LARGE1: variants seen among roughly 807,000 people sequenced by gnomAD.
LARGE1 encodes LARGE xylosyl- and glucuronyltransferase 1.
LARGE1 carries 43 observed loss-of-function variants against 87.6 expected under a neutral mutation model. The ratio of observed to expected loss-of-function variants is 0.49; its 90% confidence interval spans 0.38 to 0.63. LARGE1 has a LOEUF of 0.63. Ranked by LOEUF, LARGE1 falls within the 30% of genes least tolerant of loss-of-function variation. The pLI is 0.00. For missense variants in LARGE1, 802 were observed against 1,000.2 expected, an observed-to-expected ratio of 0.80 and a Z score of 2.67; for synonymous variants, 434 against 394.6, an observed-to-expected ratio of 1.10 and a Z score of -1.18.
At chr22:33,085,279 G>A in the LARGE1 span, among the ~76,000 whole-genome samples, 3 of 152,120 alleles carry the variant, frequency 2.0e-5, no homozygotes, top group African/African-American at 7.2e-5. Flanking sequence ...CCGTCTCAAA[G>A]AAAAATAAAA....
intron 5 of LARGE1, among the ~76,000 whole-genome samples, chr22:33,567,383 C>G (rs1201721011): frequency 6.6e-6 from 1 of 152,216 alleles, no homozygotes; most frequent in Non-Finnish European, 1.5e-5. Context: ...TTCCTGATCC[C>G]TCTATCTTAT....
chr22:33,406,789 G>C (rs1002767991), intron 7 of LARGE1, among the ~76,000 whole-genome samples: 1 of 152,094 alleles, frequency 6.6e-6, no homozygotes, highest in Non-Finnish European at 1.5e-5. Context: ...ATGTGAAAAT[G>C]CATTTATTTA....
intron 4 of LARGE1, among the ~76,000 whole-genome samples, chr22:33,607,810 AC>A (rs1216211595): frequency 1.3e-5 from 2 of 152,306 alleles, no homozygotes; most frequent in South Asian, 4.1e-4. Flanking sequence ...AACTGAATAA[AC>A]GAATCAAAAA....
At chr22:33,395,497 G>A (rs2065708098) in intron 7 of LARGE1, among the ~76,000 whole-genome samples, 2 of 152,194 alleles carry the variant, frequency 1.3e-5, no homozygotes, top group Non-Finnish European at 2.9e-5. Flanking sequence ...TTGCAGGCAA[G>A]AACTCTTTAA....
chr22:33,551,993 C>CAAAAAAAAAA (rs10674621), intron 6 of LARGE1, among the ~76,000 whole-genome samples: 1 of 72,888 alleles, frequency 1.4e-5, no homozygotes, highest in Non-Finnish European at 2.4e-5. Context: ...GGCTCCGTCT[C>CAAAAAAAAAA]AAAAAAAAAA....
At chr22:33,175,163 C>T (rs563528096) in intron 11 of LARGE1, among the ~76,000 whole-genome samples, 1 of 152,216 alleles carries the variant, frequency 6.6e-6, no homozygotes, top group South Asian at 2.1e-4. Context: ...CCCTGGGATG[C>T]AAAGCTGGTT....
intron 1 of LARGE1, among the ~76,000 whole-genome samples, chr22:33,812,400 G>A (rs1420574900): frequency 2.0e-5 from 3 of 152,106 alleles, no homozygotes; most frequent in East Asian, 1.9e-4. Flanking sequence ...TCTTCTATTC[G>A]TTACTTCCCC....
intron 2 of LARGE1, among the ~76,000 whole-genome samples, chr22:33,747,228 T>G (rs1172311621): frequency 6.6e-6 from 1 of 152,148 alleles, no homozygotes; most frequent in African/African-American, 2.4e-5. Context: ...GAGCAAGGAA[T>G]GAGAAGCCAG....
the LARGE1 span, among the ~76,000 whole-genome samples, chr22:33,150,671 C>G: frequency 6.6e-6 from 1 of 152,112 alleles, no homozygotes; most frequent in Admixed American, 6.5e-5. Flanking sequence ...CTATGGAGAT[C>G]CAGTTATTCC....
At chr22:33,633,121 T>A (rs1432908771) in intron 3 of LARGE1, among the ~76,000 whole-genome samples, 1 of 152,222 alleles carries the variant, frequency 6.6e-6, no homozygotes, top group East Asian at 1.9e-4. Flanking sequence ...GTTCCAGGAC[T>A]GTTCTGGGCT....
At position 33,782,228 on chromosome 22, in the gene LARGE1, A is replaced by G. The variant is rs553220491; in HGVS notation, c.-82-20670T>C. ...AAAGCACTAAAATATGGCAAGGTTC[A>G]TGACTGAGACGCATTTAAGACGGGA... On this transcript the variant is annotated intron_variant, in intron 1 of 14. Coordinates refer to ENST00000397394, the MANE Select transcript of LARGE1 (RefSeq NM_133642.5). Among the ~76,000 whole-genome samples the G allele has an allele frequency of 2.6e-5, 4 of 152,354 alleles. No homozygotes were observed. In the East Asian group the frequency reaches 7.7e-4, roughly 29 times the overall value.
the LARGE1 span, among the ~76,000 whole-genome samples, chr22:33,093,804 CTTTTTTTTTCTTTCTTTCT>C: frequency 3.1e-5 from 4 of 128,338 alleles, no homozygotes; most frequent in Non-Finnish European, 5.1e-5. Flanking sequence ...GTCCTTGATT[CTTTTTTTTTCTTTCTTTCT>C]TTTTTTTTTT....
chr22:33,089,452 T>C, the LARGE1 span, among the ~76,000 whole-genome samples: 11 of 118,784 alleles, frequency 9.3e-5, 1 homozygote, highest in African/African-American at 3.6e-4. Context: ...CCTCTTCTTC[T>C]TCCTCCTCTT....
chr22:33,404,122 A>T (rs2066015858), intron 7 of LARGE1, among the ~76,000 whole-genome samples: 1 of 152,164 alleles, frequency 6.6e-6, no homozygotes, highest in Admixed American at 6.5e-5. Flanking sequence ...CAAAGCAGGG[A>T]GGGGAGATAA....
At chr22:33,556,289 T>C (rs1192416185) in intron 6 of LARGE1, among the ~76,000 whole-genome samples, 1 of 151,966 alleles carries the variant, frequency 6.6e-6, no homozygotes, top group Non-Finnish European at 1.5e-5. Flanking sequence ...TAGTTAGTGA[T>C]TTCAGGCAAC....
chr22:33,252,757 G>T (rs1268487966), intron 11 of LARGE1, among the ~76,000 whole-genome samples: 1 of 152,120 alleles, frequency 6.6e-6, no homozygotes, highest in Middle Eastern at 3.2e-3. Context: ...GTAATTCTTT[G>T]TTGGTTTTTC....
chr22:33,285,422 G>A (rs934208716), intron 12 of LARGE1, among the ~76,000 whole-genome samples: 14 of 152,208 alleles, frequency 9.2e-5, no homozygotes, highest in African/African-American at 3.4e-4. Flanking sequence ...TCAGGAGTTT[G>A]AGACCAGCCT....
the LARGE1 span, among the ~76,000 whole-genome samples, chr22:33,075,668 A>T: frequency 6.6e-6 from 1 of 152,220 alleles, no homozygotes; most frequent in Non-Finnish European, 1.5e-5. Flanking sequence ...TTATTTACTC[A>T]ATGAAGACTT....
chr22:33,227,197 G>A lies in LARGE1; in HGVS notation c.1731-60365C>T, dbSNP rs116569724. Among the ~76,000 whole-genome samples, 1,075 of 152,244 alleles carry A rather than the reference G, an allele frequency of 7.1e-3. 19 individuals are homozygous for A. The highest frequency in any genetic ancestry group is 0.024 in the African/African-American group (987 of 41,558). ...CCATTTGACAGACAAAGACACTGAG[G>A]TACAGACAGCCTTGCCCAAAGTCAT... On this transcript the variant is annotated intron_variant, in intron 11 of 11. Transcript: ENST00000608642.
Sources: gnomAD v4.1 joint callset for allele counts (sites outside exome capture counted in the v4.1 genomes callset) on GRCh38, gnomAD v4.1.1 for gene constraint, MANE v1.5 for transcripts, NCBI Gene and HGNC (gene_info 2026-07-23, HGNC 2026-07-21) for gene names.